The following PCDHGA11 variants were observed in gnomAD, a reference collection of about 807,000 sequenced individuals.
The protein encoded by PCDHGA11 is protocadherin gamma-A11.
Under a neutral mutation model 60.4 loss-of-function variants are expected in PCDHGA11, and 39 were observed. The ratio of observed to expected loss-of-function variants is 0.65; its 90% CI spans 0.50 to 0.84. PCDHGA11 has a LOEUF of 0.84. PCDHGA11 is among the 40% of genes least tolerant of loss of function. PCDHGA11 has a pLI of 0.00. For missense variants in PCDHGA11, 1,165 were observed against 1,197.7 expected (o/e 0.97, Z 0.40); for synonymous variants, 533 against 510.3 (o/e 1.04, Z -0.60).
At chr5:141,483,660 G>T (rs943362284) in intron 1 of PCDHGA11, among the ~76,000 whole-genome samples, 4 of 152,094 alleles carry the variant, frequency 2.6e-5, no homozygotes, top group Admixed American at 2.0e-4. Flanking sequence ...GTGTGTGTGT[G>T]TGTGTGTGTA....
chr5:141,456,735 C>T (rs568353480), intron 1 of PCDHGA11, among the ~76,000 whole-genome samples: 8 of 152,216 alleles, frequency 5.3e-5, no homozygotes, highest in East Asian at 3.9e-4. Context: ...GAGGCTGAGG[C>T]GGGAGCATCA....
In PCDHGA11 at chr5:141,487,906, AGCACAGGAGGCTACAGT is replaced by A. The variant is rs2099668744; in HGVS notation, c.2434-6893_2434-6877del. ...TGGAAGCATGATGATGGAATGTGGG[AGCACAGGAGGCTACAGT>A]GCACAGGGTACAGTGCACCAGGCAG... On this transcript the variant is annotated intron_variant, in intron 1 of 3. Coordinates refer to ENST00000398587, the MANE Select transcript of PCDHGA11 (RefSeq NM_018914.3). The surrounding 1 kb of genome is among the most constrained non-coding windows in gnomAD (Gnocchi z 5.0). The A allele has an allele frequency of 8.7e-6, 6 of 686,524 alleles. No homozygotes were observed. The East Asian group carries it at 1.6e-4, about 19-fold the overall frequency. The allele number at this position is 686,524 out of a possible 1,614,324, so 42.5% of individuals were successfully genotyped here.
At chr5:141,426,693 A>G (rs62378458) in intron 1 of PCDHGA11, 1 of 435,784 alleles carries the variant, frequency 2.3e-6, no homozygotes, top group African/African-American at 2.0e-5. Flanking sequence ...CCAAAATAGC[A>G]TTGTTTTACA....
At chr5:141,480,695 C>T (rs2099523656) in intron 1 of PCDHGA11, among the ~76,000 whole-genome samples, 2 of 152,146 alleles carry the variant, frequency 1.3e-5, no homozygotes, top group African/African-American at 4.8e-5. Context: ...GAAACCCAGG[C>T]CACACCCCGA....
At chr5:141,426,514 G>A (rs867794856) in intron 1 of PCDHGA11, 22 of 340,738 alleles carry the variant, frequency 6.5e-5, no homozygotes, top group Non-Finnish European at 8.2e-5. Context: ...ATACTTTACC[G>A]TGAACACGGA....
At chr5:141,427,700 C>A in intron 1 of PCDHGA11, 3 of 945,490 alleles carry the variant, frequency 3.2e-6, no homozygotes, top group South Asian at 2.7e-5. Flanking sequence ...TCCCACAAGT[C>A]AGCGCCTCTG....
In PCDHGA11 at chr5:141,490,795, C is replaced by A; in HGVS notation, c.2434-4012C>A. The A allele has an allele frequency of 1.3e-5, 21 of 1,614,036 alleles. No homozygotes were observed. Among genetic ancestry groups the A allele is most frequent in the Non-Finnish European group, 1.8e-5 (21 of 1,179,922 alleles). On this transcript the variant is annotated intron_variant, in intron 1 of 3. Coordinates refer to ENST00000398587, the MANE Select transcript of PCDHGA11 (RefSeq NM_018914.3). This position sits in a 1 kb window ranked among gnomAD's most constrained non-coding sequence, Gnocchi z 5.4. ...CCCAGAGGATGGACGGATCTTTGCC[C>A]AGCGTACCTTTGACTATGAATTGCT...
intron 1 of PCDHGA11, chr5:141,478,477 C>T: frequency 6.2e-7 from 1 of 1,613,796 alleles, no homozygotes; most frequent in Non-Finnish European, 8.5e-7. Flanking sequence ...GCCGCCAGAA[C>T]ACGCTGCGGA....
chr5:141,478,624 T>C (rs1300260980), intron 1 of PCDHGA11: 3 of 1,554,196 alleles, frequency 1.9e-6, no homozygotes, highest in Non-Finnish European at 2.6e-6. Context: ...AATGGAGCTG[T>C]TTTTTTAGTG....
intron 3 of PCDHGA11, among the ~76,000 whole-genome samples, chr5:141,506,861 G>A (rs2099856791): frequency 6.6e-6 from 1 of 152,178 alleles, no homozygotes; most frequent in African/African-American, 2.4e-5. Context: ...TGGAGGACTG[G>A]TGGGTAGAGA....
At position 141,426,439 on chromosome 5, in the gene PCDHGA11, G is replaced by C. The variant is rs149215795; in HGVS notation, c.2433+2779G>C. On this transcript the variant is annotated intron_variant, in intron 1 of 3. Transcript: ENST00000398587. ...GGGCTCCGTGGTGGGGAACCTTGCG[G>C]AGGACATGCGGCTGCATGTTCAGGA... 7.8e-4 allele frequency: 237 copies of C among 302,398 alleles called. 1 individual carries two copies. The highest frequency in any genetic ancestry group is 4.6e-3 in the African/African-American group (214 of 46,260). The allele number at this position is 302,398 out of a possible 1,614,324, so 18.7% of individuals were successfully genotyped here.
chr5:141,438,591 CATATATATATAT>C lies in PCDHGA11; in HGVS notation c.2433+14965_2433+14976del, dbSNP rs946798767. ...TCTGATATACATACATACATACATACATATATATATATATATATATATATATATATATATATA... is the reference window on the plus strand; with the variant it reads ...TCTGATATACATACATACATACATACATATATATATATATATATATATATA... On this transcript the variant is annotated intron_variant, in intron 1 of 3. Coordinates refer to ENST00000398587, the MANE Select transcript of PCDHGA11 (RefSeq NM_018914.3). Among the ~76,000 whole-genome samples the C allele has an allele frequency of 1.5e-4, 11 of 75,568 alleles. No homozygotes were observed. The East Asian group carries it at 2.8e-3, about 19-fold the overall frequency. The allele number at this position is 75,568 out of a possible 152,430, so 49.6% of individuals were successfully genotyped here.
intron 1 of PCDHGA11, chr5:141,478,712 G>A (rs1160573848): frequency 3.2e-6 from 5 of 1,547,048 alleles, no homozygotes; most frequent in Non-Finnish European, 4.4e-6. Flanking sequence ...TTTGTGAGAT[G>A]GTGGCCTGCC....
At chr5:141,456,306 G>C (rs937409031) in intron 1 of PCDHGA11, among the ~76,000 whole-genome samples, 1 of 152,158 alleles carries the variant, frequency 6.6e-6, no homozygotes, top group Non-Finnish European at 1.5e-5. Context: ...GAGAACAGCA[G>C]CTAGGGCTCC....
chr5:141,492,106 C>T (rs1265796740), intron 1 of PCDHGA11, among the ~76,000 whole-genome samples: 2 of 152,238 alleles, frequency 1.3e-5, no homozygotes, highest in South Asian at 2.1e-4. Flanking sequence ...TGTAGATTTC[C>T]TCTTCGATTT....
chr5:141,475,628 C>T (rs2099366226), intron 1 of PCDHGA11, among the ~76,000 whole-genome samples: 1 of 152,116 alleles, frequency 6.6e-6, no homozygotes. Context: ...TTGGTTCGAT[C>T]CCCTTTCTTG....
chr5:141,444,947 C>G (rs2098452252), intron 1 of PCDHGA11, among the ~76,000 whole-genome samples: 1 of 152,054 alleles, frequency 6.6e-6, no homozygotes, highest in Non-Finnish European at 1.5e-5. Context: ...GGAGGAGGAT[C>G]ATCTTAACAA....
In PCDHGA11 at chr5:141,476,533, A is replaced by G; in HGVS notation, c.2434-18274A>G. 6.2e-7 allele frequency: 1 copy of G among 1,614,184 alleles called. No individual in the cohort carries two copies. Among genetic ancestry groups the G allele is most frequent in the Non-Finnish European group, 8.5e-7 (1 of 1,180,022 alleles). On this transcript the variant is annotated intron_variant, in intron 1 of 3. Transcript: ENST00000398587. The surrounding 1 kb of genome is among the most constrained non-coding windows in gnomAD (Gnocchi z 7.6). ...ACAATCCTGCTTTCCCTACCCAGGA[A>G]ATGAAATTGGAGATTAGCGAGGCCG...
In PCDHGA11 at chr5:141,477,928, C is replaced by T; in HGVS notation, c.2434-16879C>T. On this transcript the variant is annotated intron_variant, in intron 1 of 3. Coordinates refer to ENST00000398587, the MANE Select transcript of PCDHGA11 (RefSeq NM_018914.3). This position sits in a 1 kb window ranked among gnomAD's most constrained non-coding sequence, Gnocchi z 4.9. ...GGGACGCGGATGCAGGGCACAATGC[C>T]TGGCTCTCCTACAGTCTCTTGGGAT... The T allele has an allele frequency of 6.2e-7, 1 of 1,614,186 alleles. No individual in the cohort carries two copies.
Sources: allele counts gnomAD v4.1 joint callset (sites outside exome capture counted in the v4.1 genomes callset), GRCh38; gene constraint gnomAD v4.1.1; non-coding constraint Gnocchi (gnomAD v3.1); transcripts MANE v1.5; gene names NCBI Gene and HGNC (gene_info 2026-07-23, HGNC 2026-07-21).